FARSB: variants seen among roughly 807,000 people sequenced by gnomAD.
FARSB encodes the protein phenylalanyl-tRNA synthetase subunit beta.
In FARSB, 40 loss-of-function variants were observed where a neutral mutation model predicts 69.6. The observed-to-expected ratio is 0.57, with a 90% CI of 0.45 to 0.75. FARSB has a LOEUF of 0.75. Among genes scored for constraint, FARSB ranks in the 30% least tolerant of loss-of-function variants. The pLI is 0.00. For missense variants in FARSB, 632 were observed against 722.9 expected, an observed-to-expected ratio of 0.87 and a Z score of 1.44; for synonymous variants, 235 against 247.2, an observed-to-expected ratio of 0.95 and a Z score of 0.46.
chr2:222,630,671 T>C (rs952539326), intron 8 of FARSB, among the ~76,000 whole-genome samples: 2 of 152,192 alleles, frequency 1.3e-5, no homozygotes, highest in Non-Finnish European at 2.9e-5. Context: ...ATAATTTTTC[T>C]ATTTCAAAAA....
intron 13 of FARSB, among the ~76,000 whole-genome samples, chr2:222,623,087 C>T (rs559713997): frequency 9.2e-5 from 14 of 152,232 alleles, no homozygotes; most frequent in East Asian, 3.9e-4. Flanking sequence ...GAGGGAAAAA[C>T]GGAACTACAA....
chr2:222,654,229 C>G (rs1692113829), intron 1 of FARSB, among the ~76,000 whole-genome samples: 1 of 152,138 alleles, frequency 6.6e-6, no homozygotes, highest in Admixed American at 6.5e-5. Flanking sequence ...GCTCCAAAAC[C>G]CAAAACCTTA....
intron 1 of FARSB, among the ~76,000 whole-genome samples, chr2:222,654,182 C>G (rs746781327): frequency 6.6e-6 from 1 of 152,164 alleles, no homozygotes; most frequent in Non-Finnish European, 1.5e-5. Flanking sequence ...GGTATACAGA[C>G]TGAGCATTCC....
chr2:222,597,387 A>G (rs1010166170), intron 16 of FARSB, among the ~76,000 whole-genome samples: 1 of 152,158 alleles, frequency 6.6e-6, no homozygotes, highest in Admixed American at 6.5e-5. Context: ...AATTGAACAT[A>G]AAGACCTACA....
At chr2:222,590,601 G>C (rs1254978550) in intron 16 of FARSB, among the ~76,000 whole-genome samples, 2 of 149,742 alleles carry the variant, frequency 1.3e-5, no homozygotes, top group East Asian at 1.9e-4. Context: ...CTGGATACTT[G>C]GATACTTGTT....
intron 2 of FARSB, among the ~76,000 whole-genome samples, chr2:222,645,817 A>T (rs1256262703): frequency 6.6e-6 from 1 of 152,156 alleles, no homozygotes; most frequent in East Asian, 1.9e-4. Flanking sequence ...AAATTGAGAT[A>T]AAAAATATTG....
At chr2:222,593,908 C>CA (rs1690342361) in intron 16 of FARSB, among the ~76,000 whole-genome samples, 1 of 151,218 alleles carries the variant, frequency 6.6e-6, no homozygotes, top group Non-Finnish European at 1.5e-5. Context: ...CAATATCTAT[C>CA]AACTAGATAA....
chr2:222,621,256 C>T (rs1405198688), intron 13 of FARSB, among the ~76,000 whole-genome samples: 2 of 152,180 alleles, frequency 1.3e-5, no homozygotes, highest in Non-Finnish European at 2.9e-5. Context: ...TTAAATTAAG[C>T]TACCCTGAAG....
rs1054824296 is a variant in FARSB, at chr2:222,570,135, C to T, written c.*1736G>A. Among the ~76,000 whole-genome samples, 5 of 152,136 alleles carry T rather than the reference C, an allele frequency of 3.3e-5. No individual in the cohort carries two copies. Among genetic ancestry groups the T allele is most frequent in the South Asian group, 2.1e-4 (1 of 4,824 alleles). On this transcript the variant is annotated 3_prime_UTR_variant, in exon 17 of 17. Coordinates refer to ENST00000281828, the MANE Select transcript of FARSB (RefSeq NM_005687.5). Reference sequence around the variant, plus strand: ...TTAGTTGCATTTCCCTGATGACTAACGATGTTGAGGATCTTTTCAAGTGCT... The same window carrying T: ...TTAGTTGCATTTCCCTGATGACTAATGATGTTGAGGATCTTTTCAAGTGCT...
intron 2 of FARSB, among the ~76,000 whole-genome samples, chr2:222,644,178 C>T (rs1021954493): frequency 6.6e-6 from 1 of 152,118 alleles, no homozygotes; most frequent in Non-Finnish European, 1.5e-5. Flanking sequence ...AGAATTATAT[C>T]CACATTTGCA....
chr2:222,629,961 G>A, intron 9 of FARSB, 152 bp downstream of exon 9: 1 of 574,558 alleles, frequency 1.7e-6, no homozygotes, highest in Non-Finnish European at 3.1e-6. Context: ...GGCTGGTCTT[G>A]AACTCCTGGG....
chr2:222,646,625 A>G (rs1182622332), intron 2 of FARSB, among the ~76,000 whole-genome samples: 1 of 152,226 alleles, frequency 6.6e-6, no homozygotes, highest in Non-Finnish European at 1.5e-5. Context: ...TATCTTCTTT[A>G]GTAGATATTT....
At chr2:222,574,774 T>A (rs1184987973) in intron 16 of FARSB, among the ~76,000 whole-genome samples, 1 of 152,218 alleles carries the variant, frequency 6.6e-6, no homozygotes, top group African/African-American at 2.4e-5. Flanking sequence ...TTCTTGTGAT[T>A]TTCTTATCGA....
At chr2:222,623,836 TA>T (rs1691202352) in intron 12 of FARSB, 106 bp from the exon 13 acceptor site, 2 of 720,564 alleles carry the variant, frequency 2.8e-6, no homozygotes. Context: ...TAAAAATGTT[TA>T]AAAGATTAAA....
At chr2:222,596,898 C>T (rs573797218) in intron 16 of FARSB, among the ~76,000 whole-genome samples, 1 of 152,148 alleles carries the variant, frequency 6.6e-6, no homozygotes, top group Non-Finnish European at 1.5e-5. Context: ...CAAGCCACTT[C>T]TTTATACATT....
At chr2:222,606,051 A>G (rs957297428) in intron 15 of FARSB, among the ~76,000 whole-genome samples, 3 of 152,220 alleles carry the variant, frequency 2.0e-5, no homozygotes, top group Non-Finnish European at 4.4e-5. Flanking sequence ...ATTTTGCAAT[A>G]TTTTTAAGAA....
chr2:222,581,686 GC>G (rs2106180599), intron 16 of FARSB, among the ~76,000 whole-genome samples: 1 of 152,274 alleles, frequency 6.6e-6, no homozygotes, highest in East Asian at 1.9e-4. Flanking sequence ...TGAAAAAACA[GC>G]ATATGTATAT....
intron 1 of FARSB, 36 bp downstream of exon 1, chr2:222,655,980 G>C (rs1485808310): frequency 1.3e-6 from 2 of 1,523,146 alleles, no homozygotes; most frequent in Admixed American, 3.6e-5. Context: ...CCTCCGAGAA[G>C]AGGCGTAGGG....
Position 222,599,974 on chromosome 2 carries a change from C to T in FARSB, c.1572G>A (p.Val524=). 1.2e-6 allele frequency: 2 copies of T among 1,609,888 alleles called. No individual in the cohort carries two copies. Among genetic ancestry groups the T allele is most frequent in the Non-Finnish European group, 1.7e-6 (2 of 1,179,110 alleles). The change falls in exon 16 of 17, where the codon GTG becomes GTA. Residue 524 remains valine, a synonymous_variant. Coordinates refer to ENST00000281828, the MANE Select transcript of FARSB (RefSeq NM_005687.5). ...LLDRIMQLLD[V]PPGEDKGGYV... ...ATCCCCCCTTGTCTTCACCAGGAGG[C>T]ACATCGAGCAACTGCATAATTCTGT...
Sources: allele counts gnomAD v4.1 joint callset (sites outside exome capture counted in the v4.1 genomes callset), GRCh38; gene constraint gnomAD v4.1.1; transcripts MANE v1.5; gene names NCBI Gene and HGNC (gene_info 2026-07-23, HGNC 2026-07-21).